The following TNRC6B variants were observed in gnomAD, a reference collection of about 807,000 sequenced individuals.
TNRC6B encodes the protein trinucleotide repeat containing adaptor 6B, also known as trinucleotide repeat-containing gene 6B protein.
In TNRC6B, 52 loss-of-function variants were observed where a neutral mutation model predicts 203.6. The observed-to-expected ratio is 0.26, with a 90% confidence interval of 0.20 to 0.32. The LOEUF is 0.32. Among genes scored for constraint, TNRC6B ranks in the 10% least tolerant of loss-of-function variants. The pLI, the probability that TNRC6B is intolerant of heterozygous loss-of-function variation, is 1.00. For synonymous variants in TNRC6B, 838 were observed against 845.7 expected, an observed-to-expected ratio of 0.99 and a Z score of 0.16; for missense variants, 1,923 against 2,286.2, an observed-to-expected ratio of 0.84 and a Z score of 3.24.
chr22:40,325,570 T>C lies in TNRC6B; in HGVS notation c.*2329T>C. 1 of 152,518 alleles carries C rather than the reference T, an allele frequency of 6.6e-6. No individual in the cohort carries two copies. Among genetic ancestry groups the C allele is most frequent in the Non-Finnish European group, 1.5e-5 (1 of 68,058 alleles). 9.4% of individuals were successfully genotyped at this position (152,518 alleles called of 1,614,324 possible). A position where few individuals can be genotyped will look rare whatever the true frequency, so the allele number is the denominator to read the frequency against. ...AGCATGCCCTCTTCCTGCTCTGCAA[T>C]TTGAATCACCACCGTGCCCCTTCCA... On this transcript the variant is annotated 3_prime_UTR_variant, in exon 23 of 23. Transcript: ENST00000454349.
intron 4 of TNRC6B, among the ~76,000 whole-genome samples, chr22:40,170,892 T>C (rs958342200): frequency 1.4e-5 from 2 of 139,126 alleles, no homozygotes; most frequent in Non-Finnish European, 3.1e-5. Flanking sequence ...TGTATACATA[T>C]ATACCTATAT....
intron 4 of TNRC6B, among the ~76,000 whole-genome samples, chr22:40,169,565 T>C (rs1014132617): frequency 1.3e-5 from 2 of 152,218 alleles, no homozygotes; most frequent in East Asian, 1.9e-4. Context: ...TACATACTTT[T>C]CTCCACCTCC....
chr22:40,274,929 T>C (rs907241737), intron 7 of TNRC6B, among the ~76,000 whole-genome samples: 1 of 152,194 alleles, frequency 6.6e-6, no homozygotes, highest in Non-Finnish European at 1.5e-5. Context: ...AAATACGAAA[T>C]GGGCATCCAA....
intron 1 of TNRC6B, among the ~76,000 whole-genome samples, chr22:40,232,889 C>G (rs560321599): frequency 6.6e-6 from 1 of 152,232 alleles, no homozygotes; most frequent in African/African-American, 2.4e-5. Flanking sequence ...CGATGGCTCA[C>G]GCCTGTAATC....
At chr22:40,197,859 A>T (rs953013472) in intron 1 of TNRC6B, among the ~76,000 whole-genome samples, 3 of 148,946 alleles carry the variant, frequency 2.0e-5, no homozygotes, top group African/African-American at 7.4e-5. Flanking sequence ...TGATTCTCCC[A>T]CCTCAGCCTC....
At chr22:40,273,379 G>T (rs1356880341) in intron 6 of TNRC6B, 46 bp from the exon 7 acceptor site, 1 of 1,493,866 alleles carries the variant, frequency 6.7e-7, no homozygotes, top group African/African-American at 1.4e-5. Context: ...TCTGATGATT[G>T]TTTTATATAG....
Position 40,177,930 on chromosome 22 carries a change from CAG to C in TNRC6B, c.-201_-200del, listed in dbSNP as rs906612397. Reference sequence around the variant, plus strand: ...CACAAAAAGCTGCTTCCTTTAGAGACAGAGAGGGAGAGAGAGAGCAAGAGGGA... The same window carrying C: ...CACAAAAAGCTGCTTCCTTTAGAGACAGAGGGAGAGAGAGAGCAAGAGGGA... On this transcript the variant is annotated 5_prime_UTR_variant, in exon 1 of 23. Coordinates refer to ENST00000454349, the MANE Select transcript of TNRC6B (RefSeq NM_001162501.2). 3.3e-5 allele frequency: 45 copies of C among 1,354,340 alleles called. No homozygotes were observed. The African/African-American group carries it at 3.3e-4, about 10-fold the overall frequency. 83.9% of individuals were successfully genotyped at this position (1,354,340 alleles called of 1,614,324 possible). A position where few individuals can be genotyped will look rare whatever the true frequency, so the allele number is the denominator to read the frequency against.
chr22:40,248,578 A>G (rs759492931), intron 2 of TNRC6B, among the ~76,000 whole-genome samples: 3 of 152,248 alleles, frequency 2.0e-5, no homozygotes, highest in Non-Finnish European at 4.4e-5. Context: ...GGATTCCACA[A>G]AGAAAAATGA....
intron 1 of TNRC6B, among the ~76,000 whole-genome samples, chr22:40,095,880 CCA>C (rs2068182802): frequency 6.6e-6 from 1 of 151,904 alleles, no homozygotes; most frequent in African/African-American, 2.4e-5. Flanking sequence ...TTTACAAGTA[CCA>C]CAACCTGTAA....
Position 40,265,253 on chromosome 22 carries a change from G to T in TNRC6B, c.1023G>T (p.Gln341His), listed in dbSNP as rs2070459326. 1.2e-6 allele frequency: 2 copies of T among 1,613,916 alleles called. No homozygotes were observed. Among genetic ancestry groups the T allele is most frequent in the Non-Finnish European group, 1.7e-6 (2 of 1,179,914 alleles). The change falls in exon 5 of 23, where the codon CAG becomes CAT. Residue 341 changes from glutamine to histidine, a missense_variant. Gln to His is a conservative substitution (Grantham distance 24). Transcript: ENST00000454349. ...NSSAQVSTVG[Q>H]TSREQQSKME... ...GTGCACAGGTTAGCACAGTAGGTCA[G>T]ACATCCAGGGAACAGCAGTCAAAGA...
intron 1 of TNRC6B, among the ~76,000 whole-genome samples, chr22:40,214,626 C>A (rs1464782479): frequency 6.6e-6 from 1 of 151,656 alleles, no homozygotes; most frequent in Non-Finnish European, 1.5e-5. Flanking sequence ...GTGGCATGAT[C>A]ATAGCTCACT....
chr22:40,145,496 G>T (rs1387289199), intron 3 of TNRC6B, among the ~76,000 whole-genome samples: 1 of 152,134 alleles, frequency 6.6e-6, no homozygotes, highest in Admixed American at 6.5e-5. Context: ...TGTGGTTGGA[G>T]ATATTTATAA....
chr22:40,062,694 C>T lies in TNRC6B; in HGVS notation c.-121+17696C>T, dbSNP rs7284741. Among the ~76,000 whole-genome samples, 1,193 of 152,180 alleles carry T rather than the reference C, an allele frequency of 7.8e-3. 12 individuals carry two copies. Among genetic ancestry groups the T allele is most frequent in the African/African-American group, 0.026 (1,092 of 41,516 alleles). On this transcript the variant is annotated intron_variant, in intron 1 of 23. Coordinates refer to the TNRC6B transcript ENST00000301923. ...GGGTAGGAAATGGTATTTTCATTTG[C>T]GTTTGCCTGAACGCTAATGATTTTG...
At chr22:40,311,098 C>G (rs964802386) in intron 17 of TNRC6B, 105 bp downstream of exon 17, 121 of 1,270,280 alleles carry the variant, frequency 9.5e-5, no homozygotes, top group Non-Finnish European at 1.2e-4. Context: ...AAGGTACTTG[C>G]TTTTATTTTT....
chr22:40,271,499 C>T (rs1254906572), intron 6 of TNRC6B, among the ~76,000 whole-genome samples: 1 of 152,176 alleles, frequency 6.6e-6, no homozygotes, highest in Non-Finnish European at 1.5e-5. Flanking sequence ...AATCATGAAT[C>T]TCCTCGACCT....
chr22:40,227,422 G>A (rs1458776902), intron 1 of TNRC6B, among the ~76,000 whole-genome samples: 1 of 131,980 alleles, frequency 7.6e-6, no homozygotes, highest in African/African-American at 2.8e-5. Flanking sequence ...CTGGAGTGCA[G>A]TGGTGCCATC....
intron 1 of TNRC6B, among the ~76,000 whole-genome samples, chr22:40,084,471 A>T (rs2068086165): frequency 6.6e-6 from 1 of 152,284 alleles, no homozygotes; most frequent in Middle Eastern, 3.4e-3. Flanking sequence ...GTAGTGACTA[A>T]TTGTGCCAGA....
intron 1 of TNRC6B, among the ~76,000 whole-genome samples, chr22:40,207,067 C>G (rs1429863569): frequency 6.6e-6 from 1 of 152,094 alleles, no homozygotes; most frequent in African/African-American, 2.4e-5. Context: ...ACGTTCATGC[C>G]TTAGAGCTGC....
In TNRC6B at chr22:40,310,874, T is replaced by C. The variant is rs2071169094; in HGVS notation, c.4316T>C (p.Ile1439Thr). The change falls in exon 17 of 23, where the codon ATC becomes ACC. Residue 1439 changes from isoleucine (I) to threonine (T), a missense_variant. By Grantham distance (89) the Ile-to-Thr change is moderately conservative. This residue lies in a region of TNRC6B where 242 missense variants were observed against 399.5 expected (regional missense o/e 0.61). Coordinates refer to ENST00000454349, the MANE Select transcript of TNRC6B (RefSeq NM_001162501.2). ...GGGTCACCGTACAACCAGTTTGATATCATCCCTGGTGACACACTGGGTGGC... is the reference window on the plus strand; with the variant it reads ...GGGTCACCGTACAACCAGTTTGATACCATCCCTGGTGACACACTGGGTGGC... Reference protein sequence around the residue: ...RGGSPYNQFDIIPGDTLGGHT... With the variant: ...RGGSPYNQFDTIPGDTLGGHT... The C allele has an allele frequency of 6.2e-6, 10 of 1,612,610 alleles. No individual in the cohort carries two copies. Among genetic ancestry groups the C allele is most frequent in the Non-Finnish European group, 8.5e-6 (10 of 1,179,458 alleles).
Sources: allele counts gnomAD v4.1 joint callset (sites outside exome capture counted in the v4.1 genomes callset), GRCh38; gene constraint gnomAD v4.1.1; regional missense constraint gnomAD v4.1.1; transcripts MANE v1.5; gene names NCBI Gene and HGNC (gene_info 2026-07-23, HGNC 2026-07-21).